GPHN: variants seen among roughly 807,000 people sequenced by gnomAD.
The protein encoded by GPHN is gephyrin.
In GPHN, 17 loss-of-function variants were observed where a neutral mutation model predicts 95.5. The observed-to-expected ratio is 0.18, with a 90% confidence interval of 0.12 to 0.27. The LOEUF is 0.27. GPHN is among the 10% of genes least tolerant of loss of function. The pLI, the probability that GPHN is intolerant of heterozygous loss-of-function variation, is 1.00. For synonymous variants in GPHN, 320 were observed against 322.5 expected, an observed-to-expected ratio of 0.99 and a Z score of 0.08; for missense variants, 660 against 978.1, an observed-to-expected ratio of 0.67 and a Z score of 4.34.
chr14:66,569,642 G>T (rs1357292364), intron 1 of GPHN, among the ~76,000 whole-genome samples: 1 of 150,532 alleles, frequency 6.6e-6, no homozygotes, highest in Non-Finnish European at 1.5e-5. Context: ...CAGCCTAGGT[G>T]ACAGAGCAAG....
intron 1 of GPHN, among the ~76,000 whole-genome samples, chr14:66,612,202 A>C (rs1048523828): frequency 5.3e-5 from 8 of 152,016 alleles, no homozygotes; most frequent in Non-Finnish European, 1.0e-4. Flanking sequence ...AAGGCCTTCA[A>C]ACCAAGTTAT....
intron 5 of GPHN, among the ~76,000 whole-genome samples, chr14:66,900,579 T>C (rs187000990): frequency 6.6e-6 from 1 of 151,956 alleles, no homozygotes; most frequent in Admixed American, 6.6e-5. Context: ...ACAACCAATC[T>C]ACTACCTATC....
At chr14:67,349,175 T>C in the GPHN span, 1 of 1,417,770 alleles carries the variant, frequency 7.1e-7, no homozygotes, top group Non-Finnish European at 9.9e-7. Flanking sequence ...CACTGGATAG[T>C]TTTAACATTA....
chr14:67,201,365 C>T, the GPHN span: 8 of 437,148 alleles, frequency 1.8e-5, no homozygotes, highest in Non-Finnish European at 2.7e-5. Flanking sequence ...GTGAAAGAGC[C>T]CCAGGGCATC....
chr14:67,362,580 A>T, the GPHN span, among the ~76,000 whole-genome samples: 1 of 152,188 alleles, frequency 6.6e-6, no homozygotes, highest in African/African-American at 2.4e-5. Context: ...TCTAGTAAGT[A>T]GCAGAGCAAG....
At chr14:67,066,572 AT>A (rs2076065528) in intron 11 of GPHN, among the ~76,000 whole-genome samples, 1 of 152,160 alleles carries the variant, frequency 6.6e-6, no homozygotes, top group Non-Finnish European at 1.5e-5. Context: ...CAACAATCAA[AT>A]GTAGAATTTG....
chr14:67,579,368 T>C, the GPHN span: 11 of 1,339,194 alleles, frequency 8.2e-6, no homozygotes, highest in African/African-American at 1.5e-5. Flanking sequence ...ATCCAGAGAA[T>C]ACCCCTGGGC....
intron 8 of GPHN, among the ~76,000 whole-genome samples, chr14:66,925,152 C>G (rs571725607): frequency 6.6e-6 from 1 of 152,170 alleles, no homozygotes; most frequent in Non-Finnish European, 1.5e-5. Context: ...TTGTGGGGTA[C>G]ATAGTAGTGG....
chr14:67,727,693 G>T, the GPHN span: 2 of 196,388 alleles, frequency 1.0e-5, no homozygotes, highest in South Asian at 8.8e-5. Flanking sequence ...TGTTGTCCAG[G>T]TTGGTCTCAA....
At chr14:67,425,014 C>T in the GPHN span, among the ~76,000 whole-genome samples, 1 of 152,188 alleles carries the variant, frequency 6.6e-6, no homozygotes, top group South Asian at 2.1e-4. Flanking sequence ...AACTGGTTCA[C>T]CTGCTTTATC....
chr14:67,602,980 A>C, the GPHN span, among the ~76,000 whole-genome samples: 1 of 152,338 alleles, frequency 6.6e-6, no homozygotes, highest in African/African-American at 2.4e-5. Context: ...TAAAGGGTCC[A>C]TTCATTTCGC....
chr14:66,671,290 A>C (rs956541364), intron 1 of GPHN, among the ~76,000 whole-genome samples: 5 of 152,222 alleles, frequency 3.3e-5, no homozygotes, highest in African/African-American at 1.2e-4. Flanking sequence ...GAAGATAAGA[A>C]GTGGAAAGTT....
At chr14:66,958,775 A>G (rs2068700808) in intron 8 of GPHN, among the ~76,000 whole-genome samples, 2 of 152,224 alleles carry the variant, frequency 1.3e-5, no homozygotes, top group South Asian at 2.1e-4. Flanking sequence ...TAGTTGGATT[A>G]TAGTATTTTT....
chr14:67,039,550 T>G (rs535275547), intron 10 of GPHN, among the ~76,000 whole-genome samples: 2 of 152,314 alleles, frequency 1.3e-5, no homozygotes, highest in Non-Finnish European at 2.9e-5. Flanking sequence ...TCCCAGCACT[T>G]TGGGAGGCCA....
At chr14:67,225,441 G>T in the GPHN span, among the ~76,000 whole-genome samples, 6 of 152,130 alleles carry the variant, frequency 3.9e-5, no homozygotes. Context: ...AATCCATCAT[G>T]GGTCAAAAGA....
chr14:67,076,365 T>C (rs1430770322), intron 11 of GPHN, among the ~76,000 whole-genome samples: 2 of 152,142 alleles, frequency 1.3e-5, no homozygotes, highest in Non-Finnish European at 2.9e-5. Context: ...AACCAGAAAA[T>C]TGGTGTAAAT....
At chr14:67,098,540 TG>T (rs1274374617) in intron 12 of GPHN, among the ~76,000 whole-genome samples, 10 of 152,056 alleles carry the variant, frequency 6.6e-5, no homozygotes, top group Non-Finnish European at 1.5e-4. Flanking sequence ...TCAGGCGCGG[TG>T]GCTTATGCCT....
At chr14:67,614,054 G>C in the GPHN span, among the ~76,000 whole-genome samples, 2 of 152,144 alleles carry the variant, frequency 1.3e-5, no homozygotes, top group African/African-American at 4.8e-5. Context: ...CCTGGCTCCT[G>C]TTTCCTGAGT....
intron 3 of GPHN, 135 bp from the exon 4 acceptor site, chr14:66,824,339 T>C (rs1393480351): frequency 1.8e-5 from 11 of 610,158 alleles, no homozygotes; most frequent in Non-Finnish European, 3.0e-5. Flanking sequence ...CCATGAATTG[T>C]GCTTAGAAAT....
Sources: gnomAD v4.1 joint callset for allele counts (sites outside exome capture counted in the v4.1 genomes callset) on GRCh38, gnomAD v4.1.1 for gene constraint, MANE v1.5 for transcripts, NCBI Gene and HGNC (gene_info 2026-07-23, HGNC 2026-07-21) for gene names.